Variants in FANK1 observed in about 807,000 individuals in gnomAD.
FANK1 encodes fibronectin type III and ankyrin repeat domains 1, also known as fibronectin type 3 and ankyrin repeat domains protein 1.
A neutral mutation model predicts 45.3 loss-of-function variants in FANK1; 44 were observed. The observed-to-expected ratio is 0.97, with a 90% CI of 0.76 to 1.25. The LOEUF is 1.25. FANK1 is among the 50% of genes most tolerant of loss of function. The pLI, the probability that FANK1 is intolerant of heterozygous loss-of-function variation, is 0.00. For missense variants in FANK1, 391 were observed against 424.4 expected, an observed-to-expected ratio of 0.92 and a Z score of 0.69; for synonymous variants, 149 against 152.5, an observed-to-expected ratio of 0.98 and a Z score of 0.17.
At chr10:125,913,346 CAAACTCATTCTGCATGACACCT>C (rs1186391428) in intron 1 of FANK1, among the ~76,000 whole-genome samples, 1 of 151,964 alleles carries the variant, frequency 6.6e-6, no homozygotes, top group Admixed American at 6.6e-5. Flanking sequence ...GCATGACACC[CAAACTCATTCTGCATGACACCT>C]AAACCCTTTA....
chr10:125,998,136 GC>G (rs1299542288), intron 6 of FANK1, among the ~76,000 whole-genome samples: 1 of 152,224 alleles, frequency 6.6e-6, no homozygotes, highest in African/African-American at 2.4e-5. Context: ...CTTGCCAGGT[GC>G]TGTGCTTTGG....
At chr10:125,984,222 C>T (rs1166948665) in intron 2 of FANK1, among the ~76,000 whole-genome samples, 1 of 152,208 alleles carries the variant, frequency 6.6e-6, no homozygotes, top group Non-Finnish European at 1.5e-5. Context: ...CCTGCATTGT[C>T]CTCCTGCCAC....
At chr10:125,909,099 A>G (rs1183487160) in intron 1 of FANK1, among the ~76,000 whole-genome samples, 1 of 152,372 alleles carries the variant, frequency 6.6e-6, no homozygotes, top group Admixed American at 6.5e-5. Flanking sequence ...TCTGTAATGT[A>G]ATGCATTAAC....
intron 6 of FANK1, among the ~76,000 whole-genome samples, chr10:125,999,198 CTTT>C (rs34338283): frequency 8.4e-4 from 105 of 124,430 alleles, no homozygotes; most frequent in Admixed American, 9.9e-4. Flanking sequence ...TAAAAAGTAT[CTTT>C]TTTTTTTTTT....
chr10:125,996,071 A>G lies in FANK1; in HGVS notation c.399-479A>G, dbSNP rs151146201. Among the ~76,000 whole-genome samples the G allele has an allele frequency of 1.8e-4, 27 of 152,334 alleles. 1 individual carries two copies. Among genetic ancestry groups the G allele is most frequent in the African/African-American group, 6.3e-4 (26 of 41,562 alleles). ...GAGCTCTTAAGAGAAGGTTCCCACA[A>G]AAAGCCAAAGCTGCTACGCTGGAGT... On this transcript the variant is annotated intron_variant, in intron 4 of 10. Transcript: ENST00000368693.
chr10:125,951,567 T>G (rs966941381), intron 1 of FANK1, among the ~76,000 whole-genome samples: 5 of 152,208 alleles, frequency 3.3e-5, no homozygotes, highest in African/African-American at 1.2e-4. Flanking sequence ...TGTTTTCTGT[T>G]GGGAGTATTC....
At chr10:125,982,770 A>G (rs953751989) in intron 2 of FANK1, among the ~76,000 whole-genome samples, 3 of 152,068 alleles carry the variant, frequency 2.0e-5, no homozygotes, top group African/African-American at 2.4e-5. Flanking sequence ...TGAGTTCTCC[A>G]TTTGTAGAAT....
intron 1 of FANK1, among the ~76,000 whole-genome samples, chr10:125,935,454 TATC>T (rs1948035757): frequency 1.3e-5 from 2 of 152,198 alleles, no homozygotes. Context: ...ACAGCAGGGT[TATC>T]ATCTAATATA....
chr10:125,939,673 C>A (rs1236257117), intron 1 of FANK1, among the ~76,000 whole-genome samples: 1 of 152,016 alleles, frequency 6.6e-6, no homozygotes, highest in Admixed American at 6.5e-5. Context: ...CTATGGTTCC[C>A]TAATAGGAAA....
chr10:125,954,998 A>G (rs1421189487), intron 1 of FANK1, among the ~76,000 whole-genome samples: 1 of 152,216 alleles, frequency 6.6e-6, no homozygotes, highest in Non-Finnish European at 1.5e-5. Context: ...TTAAAAGAAC[A>G]ACTGCCGACA....
Sources: gnomAD v4.1 joint callset for allele counts (sites outside exome capture counted in the v4.1 genomes callset) on GRCh38, gnomAD v4.1.1 for gene constraint, MANE v1.5 for transcripts, NCBI Gene and HGNC (gene_info 2026-07-23, HGNC 2026-07-21) for gene names.